The following ASTN2 variants were observed in gnomAD, a reference collection of about 807,000 sequenced individuals.
ASTN2 encodes astrotactin-2.
In ASTN2, 54 loss-of-function variants were observed where a neutral mutation model predicts 139.8. The observed-to-expected ratio is 0.39, with a 90% CI of 0.31 to 0.48. ASTN2 has a LOEUF of 0.48. ASTN2 is among the 20% of genes least tolerant of loss of function. The probability of loss-of-function intolerance (pLI) is 0.95; values close to 1 mark genes in which losing one functional copy is unlikely to be tolerated. For synonymous variants in ASTN2, 756 were observed against 719.5 expected (o/e 1.05, Z -0.81); for missense variants, 1,565 against 1,725.1 (o/e 0.91, Z 1.64).
rs149811385 is a variant in ASTN2, at chr9:117,334,560, A to G, written c.443-43047T>C. Among the ~76,000 whole-genome samples, 742 of 151,230 alleles carry G rather than the reference A, an allele frequency of 4.9e-3. 5 individuals are homozygous for G. The highest frequency in any genetic ancestry group is 0.017 in the African/African-American group (704 of 41,132). The stretch of plus-strand genomic sequence containing the variant: ...ATACTCCTTGCCTTCATCTCCCAGC[A>G]TTCTGCCTCTACCACCTGGTTCCAG... On this transcript the variant is annotated intron_variant, in intron 1 of 22. Transcript: ENST00000313400.
At chr9:116,507,236 T>A (rs1287601906) in intron 19 of ASTN2, among the ~76,000 whole-genome samples, 2 of 152,140 alleles carry the variant, frequency 1.3e-5, no homozygotes, top group African/African-American at 2.4e-5. Context: ...ATATCCAAGC[T>A]CTCCATAGTT....
chr9:116,706,760 A>ATTTTTTT (rs60395133), intron 16 of ASTN2, among the ~76,000 whole-genome samples: 6 of 88,042 alleles, frequency 6.8e-5, no homozygotes, highest in East Asian at 3.1e-4. Context: ...GCTGGCTAGA[A>ATTTTTTT]TTTTTTTTTT....
At position 116,788,004 on chromosome 9, in the gene ASTN2, A is replaced by G. The variant is rs1316196970; in HGVS notation, c.2396+17628T>C. Among the ~76,000 whole-genome samples the G allele has an allele frequency of 3.9e-5, 6 of 152,206 alleles. No individual in the cohort carries two copies. In the East Asian group the frequency reaches 9.6e-4, roughly 24 times the overall value. On this transcript the variant is annotated intron_variant, in intron 13 of 22. Coordinates refer to ENST00000313400, the MANE Select transcript of ASTN2 (RefSeq NM_001365068.1). The stretch of plus-strand genomic sequence containing the variant: ...CTAAAACTGTTTAAAATAAAAAAAT[A>G]TATTTTTAAAATCCTATCTGAACCT...
At chr9:117,260,247 T>C (rs1833789878) in intron 2 of ASTN2, among the ~76,000 whole-genome samples, 2 of 152,168 alleles carry the variant, frequency 1.3e-5, no homozygotes, top group Non-Finnish European at 2.9e-5. Context: ...CTGCTATATA[T>C]ACTGGACTTT....
intron 20 of ASTN2, among the ~76,000 whole-genome samples, chr9:116,483,412 T>C (rs1353879886): frequency 6.6e-6 from 1 of 152,028 alleles, no homozygotes; most frequent in East Asian, 1.9e-4. Context: ...ATGGAGGGGC[T>C]ACAGAAAAAA....
At chr9:116,954,683 G>A (rs1835661924) in intron 10 of ASTN2, among the ~76,000 whole-genome samples, 1 of 152,012 alleles carries the variant, frequency 6.6e-6, no homozygotes, top group African/African-American at 2.4e-5. Flanking sequence ...ACAGGTGATG[G>A]GCCAAATTGG....
At chr9:117,006,810 C>T (rs866601962) in intron 7 of ASTN2, among the ~76,000 whole-genome samples, 1 of 152,288 alleles carries the variant, frequency 6.6e-6, no homozygotes, top group Middle Eastern at 3.4e-3. Context: ...GGCCCCACTA[C>T]TAGTGCTAAA....
chr9:116,858,936 A>G (rs746020833), intron 11 of ASTN2, among the ~76,000 whole-genome samples: 7 of 152,170 alleles, frequency 4.6e-5, no homozygotes, highest in Non-Finnish European at 8.8e-5. Flanking sequence ...CAGTTCTACA[A>G]TTTAAAAGTC....
At chr9:116,856,572 C>A (rs555808176) in intron 11 of ASTN2, among the ~76,000 whole-genome samples, 2 of 152,322 alleles carry the variant, frequency 1.3e-5, no homozygotes, top group East Asian at 1.9e-4. Context: ...CCTACTGAAC[C>A]AGATTCCAGC....
chr9:117,404,386 T>A (rs1295459525), intron 1 of ASTN2, among the ~76,000 whole-genome samples: 1 of 152,178 alleles, frequency 6.6e-6, no homozygotes, highest in African/African-American at 2.4e-5. Context: ...AGCTAGAGAC[T>A]TGGTTGTGCT....
intron 20 of ASTN2, among the ~76,000 whole-genome samples, chr9:116,470,189 G>A (rs1371140312): frequency 2.6e-5 from 4 of 152,032 alleles, no homozygotes; most frequent in Admixed American, 2.6e-4. Flanking sequence ...GGGTGACAGA[G>A]CGAGACACCA....
intron 2 of ASTN2, among the ~76,000 whole-genome samples, chr9:117,265,512 A>G (rs1251401742): frequency 6.6e-6 from 1 of 152,200 alleles, no homozygotes; most frequent in Non-Finnish European, 1.5e-5. Flanking sequence ...CTGAAAGTCA[A>G]GCCAGCATTC....
chr9:116,794,996 G>C (rs1387897622), intron 13 of ASTN2, among the ~76,000 whole-genome samples: 1 of 152,164 alleles, frequency 6.6e-6, no homozygotes, highest in Admixed American at 6.5e-5. Flanking sequence ...GGTTTTTTCA[G>C]ATGGAGTTTC....
chr9:116,521,571 C>A (rs1462135776), intron 19 of ASTN2, among the ~76,000 whole-genome samples: 2 of 152,016 alleles, frequency 1.3e-5, no homozygotes, highest in African/African-American at 4.8e-5. Context: ...CTAAGAAAAA[C>A]CTTTCTGGAA....
intron 4 of ASTN2, among the ~76,000 whole-genome samples, chr9:117,127,673 T>TG (rs1491092831): frequency 4.3e-5 from 1 of 23,526 alleles, no homozygotes; most frequent in Non-Finnish European, 7.0e-5. Flanking sequence ...TTTGTTTTGG[T>TG]TTTTTTTTTT....
At chr9:116,906,581 A>G (rs996401395) in intron 10 of ASTN2, among the ~76,000 whole-genome samples, 2 of 152,132 alleles carry the variant, frequency 1.3e-5, no homozygotes, top group African/African-American at 4.8e-5. Context: ...GTCTAGTCTA[A>G]TCTTTTAAAG....
intron 3 of ASTN2, among the ~76,000 whole-genome samples, chr9:117,156,283 G>A (rs1312370065): frequency 6.6e-6 from 1 of 152,054 alleles, no homozygotes; most frequent in Non-Finnish European, 1.5e-5. Flanking sequence ...ATAATTTCAT[G>A]ACATTCTCTA....
Position 116,514,964 on chromosome 9 carries a change from C to T in ASTN2, c.3356-27464G>A, listed in dbSNP as rs1009779033. 5.3e-5 allele frequency among the ~76,000 whole-genome samples: 8 copies of T among 152,146 alleles called. No homozygotes were observed. The South Asian group carries it at 1.0e-3, about 20-fold the overall frequency. On this transcript the variant is annotated intron_variant, in intron 19 of 22. Coordinates refer to ENST00000313400, the MANE Select transcript of ASTN2 (RefSeq NM_001365068.1). ...CTTCCCGGGTGAGGCGATGCCTCACCCTGCTTTGGCTCACGCTTGGTGTGC... is the reference window on the plus strand; with the variant it reads ...CTTCCCGGGTGAGGCGATGCCTCACTCTGCTTTGGCTCACGCTTGGTGTGC...
In ASTN2 at chr9:116,689,853, G is replaced by C. The variant is rs569426994; in HGVS notation, c.2806+35918C>G. On this transcript the variant is annotated intron_variant, in intron 16 of 22. Coordinates refer to ENST00000313400, the MANE Select transcript of ASTN2 (RefSeq NM_001365068.1). Reference sequence around the variant, plus strand: ...AGGATGAGGTGCAACGGACTATAGGGTGAGGTATGGAGGCCATTGGCTTGA... The same window carrying C: ...AGGATGAGGTGCAACGGACTATAGGCTGAGGTATGGAGGCCATTGGCTTGA... Among the ~76,000 whole-genome samples the C allele has an allele frequency of 7.9e-5, 12 of 152,260 alleles. No homozygotes were observed. The East Asian group carries it at 2.3e-3, about 29-fold the overall frequency.
Sources: gnomAD v4.1 joint callset for allele counts (sites outside exome capture counted in the v4.1 genomes callset) on GRCh38, gnomAD v4.1.1 for gene constraint, MANE v1.5 for transcripts, NCBI Gene and HGNC (gene_info 2026-07-23, HGNC 2026-07-21) for gene names.